Variants in RPS6KA1 observed in about 807,000 individuals in gnomAD.
RPS6KA1 encodes ribosomal protein S6 kinase alpha-1.
Under a neutral mutation model 91.3 loss-of-function variants are expected in RPS6KA1, and 48 were observed. The observed-to-expected ratio is 0.53, with a 90% CI of 0.42 to 0.67. The LOEUF (loss-of-function observed/expected upper bound fraction) is 0.67. Ranked by LOEUF, RPS6KA1 falls within the 30% of genes least tolerant of loss-of-function variation. The pLI, the probability that RPS6KA1 is intolerant of heterozygous loss-of-function variation, is 0.00. For missense variants in RPS6KA1, 719 were observed against 960.5 expected (o/e 0.75, Z 3.32); for synonymous variants, 359 against 384.7 (o/e 0.93, Z 0.78).
chr1:26,563,136 G>A (rs1378619933), intron 17 of RPS6KA1, among the ~76,000 whole-genome samples: 1 of 151,788 alleles, frequency 6.6e-6, no homozygotes, highest in Admixed American at 6.6e-5. Context: ...ACCACACCCG[G>A]CCCCCATTGT....
chr1:26,569,842 G>C (rs1261504996), intron 17 of RPS6KA1, among the ~76,000 whole-genome samples: 2 of 152,200 alleles, frequency 1.3e-5, no homozygotes, highest in Non-Finnish European at 2.9e-5. Flanking sequence ...CTGGTGGCCT[G>C]AGCTCAGGGC....
chr1:26,547,644 G>A lies in RPS6KA1; in HGVS notation c.307+374G>A. ...CTGAGAGAAGGGCGTGAGTGAAGAGGCAGGGAGCCCAGGGAGGCAGCTGGG... is the reference window on the plus strand; with the variant it reads ...CTGAGAGAAGGGCGTGAGTGAAGAGACAGGGAGCCCAGGGAGGCAGCTGGG... On this transcript the variant is annotated intron_variant, in intron 4 of 21. Transcript: ENST00000374168. The surrounding 1 kb of genome is among the most constrained non-coding windows in gnomAD (Gnocchi z 4.1). 1 of 235,456 alleles carries A rather than the reference G, an allele frequency of 4.2e-6. No homozygotes were observed. The highest frequency in any genetic ancestry group is 1.1e-4 in the East Asian group (1 of 9,422). The allele number at this position is 235,456 out of a possible 1,614,324, so 14.6% of individuals were successfully genotyped here. A position where few individuals can be genotyped will look rare whatever the true frequency, so the allele number is the denominator to read the frequency against.
At chr1:26,530,019 C>T in intron 1 of RPS6KA1, 36 bp downstream of exon 1, 2 of 1,292,850 alleles carry the variant, frequency 1.5e-6, no homozygotes, top group Non-Finnish European at 2.0e-6. Context: ...CGCCCGCGGC[C>T]GGCGAGCCCG....
intron 17 of RPS6KA1, among the ~76,000 whole-genome samples, chr1:26,563,135 G>A (rs534121578): frequency 3.2e-4 from 47 of 148,600 alleles, no homozygotes; most frequent in African/African-American, 9.9e-4. Flanking sequence ...CACCACACCC[G>A]GCCCCCATTG....
chr1:26,548,980 A>C (rs2076021541), intron 4 of RPS6KA1, among the ~76,000 whole-genome samples: 1 of 151,654 alleles, frequency 6.6e-6, no homozygotes, highest in Non-Finnish European at 1.5e-5. Context: ...TTCTACTTGT[A>C]GCAAGGGCCA....
At position 26,555,193 on chromosome 1, in the gene RPS6KA1, C is replaced by T. The variant is rs767866622; in HGVS notation, c.799C>T (p.Arg267Trp). ...CTCCCTGCCCTTCCAGGGGAAGGAC[C>T]GGAAGGAGACCATGACACTGATTCT... is the stretch of plus-strand genomic sequence containing the variant. ...TGSLPFQGKD[R>W]KETMTLILKA... Residue 267 changes from arginine (R) to tryptophan (W), a missense_variant, in exon 10 of 22, where the codon CGG becomes TGG. Physicochemically the swap from Arg to Trp is moderately radical, Grantham distance 101 (BLOSUM62 -3). Transcript: ENST00000374168. The surrounding 1 kb of genome is among the most constrained non-coding windows in gnomAD (Gnocchi z 4.3). 6 of 1,613,970 alleles carry T rather than the reference C, an allele frequency of 3.7e-6. No individual in the cohort carries two copies. Among genetic ancestry groups the T allele is most frequent in the Non-Finnish European group, 5.1e-6 (6 of 1,180,006 alleles).
At chr1:26,572,155 A>G in intron 19 of RPS6KA1, 21 bp from the exon 20 acceptor site, 1 of 1,596,712 alleles carries the variant, frequency 6.3e-7, no homozygotes, top group Non-Finnish European at 8.6e-7. Flanking sequence ...CTGTACCCAG[A>G]CCGTGCGGGC....
chr1:26,532,636 A>G (rs2075876782), intron 1 of RPS6KA1, among the ~76,000 whole-genome samples: 2 of 152,208 alleles, frequency 1.3e-5, no homozygotes, highest in Non-Finnish European at 2.9e-5. Context: ...AGGGCTGCCA[A>G]TGCTGGGCTC....
intron 2 of RPS6KA1, chr1:26,543,034 C>T: frequency 2.0e-6 from 2 of 1,016,642 alleles, no homozygotes; most frequent in Non-Finnish European, 2.9e-6. Flanking sequence ...TCATCTGCCC[C>T]TCCTCCCTGC....
At position 26,561,766 on chromosome 1, in the gene RPS6KA1, C is replaced by CCAAACTG. The variant is rs2076156451; in HGVS notation, c.1590+104_1590+110dup. On this transcript the variant is annotated intron_variant, in intron 17 of 21. Transcript: ENST00000374168. This position sits in a 1 kb window ranked among gnomAD's most constrained non-coding sequence, Gnocchi z 5.7. ...CCCAGGAATGGCAGCCTCCAGCTAG[C>CCAAACTG]CAAACTGAGGGGACACTAGGGCTGG... 1 of 1,240,734 alleles carries CCAAACTG rather than the reference C, an allele frequency of 8.1e-7. No individual in the cohort carries two copies. The highest frequency in any genetic ancestry group is 2.3e-5 in the Admixed American group (1 of 43,148). 76.9% of individuals were successfully genotyped at this position (1,240,734 alleles called of 1,614,324 possible).
chr1:26,539,907 C>T (rs898235992), intron 2 of RPS6KA1, among the ~76,000 whole-genome samples: 10 of 152,312 alleles, frequency 6.6e-5, no homozygotes, highest in Admixed American at 1.3e-4. Context: ...GAGAGCTGAG[C>T]GTCTCCCCTC....
chr1:26,536,718 G>C (rs947330703), intron 1 of RPS6KA1, among the ~76,000 whole-genome samples: 8 of 152,208 alleles, frequency 5.3e-5, no homozygotes, highest in African/African-American at 1.9e-4. Flanking sequence ...TATTCTGCCT[G>C]AGTCATGAGG....
At chr1:26,532,527 C>T (rs532096598) in intron 1 of RPS6KA1, among the ~76,000 whole-genome samples, 6 of 152,252 alleles carry the variant, frequency 3.9e-5, no homozygotes, top group Admixed American at 1.3e-4. Context: ...CGGATGTTGG[C>T]GGACTCTCCT....
chr1:26,574,672 G>A lies in RPS6KA1; in HGVS notation c.*471G>A, dbSNP rs949782372. ...GTCACCTCTCTCAGAGCATCTGGCT[G>A]TTTAGCAGAACTCATTCTATCCCCA... On this transcript the variant is annotated 3_prime_UTR_variant, in exon 22 of 22. Transcript: ENST00000374168. The surrounding 1 kb of genome is among the most constrained non-coding windows in gnomAD (Gnocchi z 4.3). 8.2e-5 allele frequency: 29 copies of A among 352,016 alleles called. No homozygotes were observed. The highest frequency in any genetic ancestry group is 1.0e-3 in the Middle Eastern group (1 of 1,000). The allele number at this position is 352,016 out of a possible 1,614,324, so 21.8% of individuals were successfully genotyped here.
chr1:26,545,592 C>G (rs1220330343), intron 2 of RPS6KA1, among the ~76,000 whole-genome samples: 1 of 152,204 alleles, frequency 6.6e-6, no homozygotes, highest in Admixed American at 6.5e-5. Flanking sequence ...GGGTACCTCT[C>G]TGCTGTTGGG....
intron 13 of RPS6KA1, 76 bp downstream of exon 13, chr1:26,557,176 C>T (rs1419519475): frequency 2.6e-6 from 3 of 1,152,666 alleles, no homozygotes; most frequent in East Asian, 4.8e-5. Flanking sequence ...GCTTGGGGGG[C>T]AGAGATAGTC....
intron 11 of RPS6KA1, chr1:26,556,261 A>T (rs904811660): frequency 3.6e-5 from 9 of 253,260 alleles, no homozygotes; most frequent in African/African-American, 2.0e-4. Flanking sequence ...GGTCGAATGG[A>T]GTAACAGCCT....
intron 2 of RPS6KA1, among the ~76,000 whole-genome samples, chr1:26,544,518 A>G (rs2075975104): frequency 6.7e-6 from 1 of 149,278 alleles, no homozygotes; most frequent in South Asian, 2.1e-4. Context: ...TTTGTCGCCC[A>G]GGCTGGAGTG....
At chr1:26,560,983 T>C (rs765370505) in intron 15 of RPS6KA1, 62 bp from the exon 16 acceptor site, 1 of 1,593,112 alleles carries the variant, frequency 6.3e-7, no homozygotes, top group Non-Finnish European at 8.6e-7. Context: ...GCCTGCTCCA[T>C]GGCCAGAAAG....
Sources: allele counts gnomAD v4.1 joint callset (sites outside exome capture counted in the v4.1 genomes callset), GRCh38; gene constraint gnomAD v4.1.1; non-coding constraint Gnocchi (gnomAD v3.1); transcripts MANE v1.5; gene names NCBI Gene and HGNC (gene_info 2026-07-23, HGNC 2026-07-21).